Variants in CTNNBL1 observed in about 807,000 individuals in gnomAD.
The protein encoded by CTNNBL1 is catenin beta like 1.
In CTNNBL1, 31 loss-of-function variants were observed where a neutral mutation model predicts 72.7. The ratio of observed to expected loss-of-function variants is 0.43; its 90% confidence interval spans 0.32 to 0.58. The LOEUF is 0.58. Ranked by LOEUF, CTNNBL1 falls within the 20% of genes least tolerant of loss-of-function variation. The pLI, the probability that CTNNBL1 is intolerant of heterozygous loss-of-function variation, is 0.08. For missense variants in CTNNBL1, 534 were observed against 725.1 expected (o/e 0.74, Z 3.03); for synonymous variants, 240 against 267.3 (o/e 0.90, Z 1.00).
intron 4 of CTNNBL1, chr20:37,751,415 G>T (rs2073318678): frequency 6.6e-6 from 1 of 152,096 alleles, no homozygotes; most frequent in African/African-American, 2.4e-5. Context: ...TTTTTGGTGT[G>T]GAATAATTTA....
At chr20:37,795,735 G>A (rs1302994040) in intron 10 of CTNNBL1, among the ~76,000 whole-genome samples, 2 of 152,038 alleles carry the variant, frequency 1.3e-5, no homozygotes, top group South Asian at 4.2e-4. Flanking sequence ...CGTATCAATT[G>A]TAGTTATAAT....
At chr20:37,702,788 A>G (rs1319916598) in intron 1 of CTNNBL1, among the ~76,000 whole-genome samples, 4 of 152,138 alleles carry the variant, frequency 2.6e-5, no homozygotes, top group African/African-American at 9.7e-5. Context: ...CTTTTTACTA[A>G]ACTGTAGACT....
At position 37,722,308 on chromosome 20, in the gene CTNNBL1, T is replaced by C. The variant is rs1351705086; in HGVS notation, c.31-10571T>C. Among the ~76,000 whole-genome samples, 7 of 151,994 alleles carry C rather than the reference T, an allele frequency of 4.6e-5. No homozygotes were observed. In the East Asian group the frequency reaches 1.4e-3, roughly 29 times the overall value. On this transcript the variant is annotated intron_variant, in intron 1 of 15. Transcript: ENST00000361383. ...GGCCAACATGGCAAAACCCCATCTC[T>C]ACTGAAAATACAAAAATTAGCCAGG...
At chr20:37,789,556 T>G (rs2073706438) in intron 10 of CTNNBL1, among the ~76,000 whole-genome samples, 1 of 152,170 alleles carries the variant, frequency 6.6e-6, no homozygotes, top group South Asian at 2.1e-4. Flanking sequence ...AGTCAGGAAA[T>G]GAGGATGGAA....
In CTNNBL1 at chr20:37,818,554, T is replaced by A. The variant is rs182812913; in HGVS notation, c.1213+15506T>A. ...GCTCAGTGAGCCAGACTACTGTCTTTGTCAAGACTTAATAGATGTAAACAG... is the reference window on the plus strand; with the variant it reads ...GCTCAGTGAGCCAGACTACTGTCTTAGTCAAGACTTAATAGATGTAAACAG... On this transcript the variant is annotated intron_variant, in intron 11 of 15. Transcript: ENST00000361383. Among the ~76,000 whole-genome samples the A allele has an allele frequency of 3.4e-3, 521 of 152,320 alleles. 1 individual carries two copies. The highest frequency in any genetic ancestry group is 6.4e-3 in the Non-Finnish European group (433 of 68,034).
At chr20:37,794,740 G>T (rs746528927) in intron 10 of CTNNBL1, among the ~76,000 whole-genome samples, 1 of 151,818 alleles carries the variant, frequency 6.6e-6, no homozygotes, top group Non-Finnish European at 1.5e-5. Context: ...GGCCTCAAGT[G>T]ATCTTCCTGC....
chr20:37,731,760 T>A (rs1037437146), intron 1 of CTNNBL1, among the ~76,000 whole-genome samples: 11 of 152,206 alleles, frequency 7.2e-5, no homozygotes, highest in African/African-American at 2.7e-4. Flanking sequence ...TTCCCCACTT[T>A]TTAGGGCTGA....
chr20:37,727,299 C>T (rs2073093057), intron 1 of CTNNBL1: 3 of 979,288 alleles, frequency 3.1e-6, no homozygotes, highest in Non-Finnish European at 3.6e-6. Flanking sequence ...TTTCTGTTTT[C>T]AGGGGCATGG....
chr20:37,831,018 G>A (rs1288015018), intron 11 of CTNNBL1, among the ~76,000 whole-genome samples: 1 of 152,148 alleles, frequency 6.6e-6, no homozygotes, highest in African/African-American at 2.4e-5. Flanking sequence ...CCAAGAATGT[G>A]GCCCAGTTCT....
At chr20:37,854,762 A>C (rs772302359) in intron 13 of CTNNBL1, among the ~76,000 whole-genome samples, 4 of 151,518 alleles carry the variant, frequency 2.6e-5, no homozygotes, top group Non-Finnish European at 4.4e-5. Flanking sequence ...TTAATTTTTG[A>C]ATTTTTAGTA....
chr20:37,806,199 C>T (rs1168457662), intron 11 of CTNNBL1, among the ~76,000 whole-genome samples: 3 of 152,190 alleles, frequency 2.0e-5, no homozygotes, highest in African/African-American at 7.2e-5. Context: ...CACTGACCTT[C>T]CCTATAGGCA....
intron 1 of CTNNBL1, among the ~76,000 whole-genome samples, chr20:37,696,247 T>G (rs1333535211): frequency 6.6e-6 from 1 of 152,130 alleles, no homozygotes; most frequent in East Asian, 1.9e-4. Flanking sequence ...ATGCATTCAG[T>G]TTGTGGTAAG....
At chr20:37,793,245 C>G (rs891741107) in intron 10 of CTNNBL1, among the ~76,000 whole-genome samples, 1 of 152,108 alleles carries the variant, frequency 6.6e-6, no homozygotes, top group Non-Finnish European at 1.5e-5. Flanking sequence ...GACTGTAATT[C>G]GGGATATGTC....
At chr20:37,780,622 A>G (rs139189145) in intron 10 of CTNNBL1, among the ~76,000 whole-genome samples, 230 of 152,258 alleles carry the variant, frequency 1.5e-3, no homozygotes, top group African/African-American at 5.3e-3. Flanking sequence ...TAGCTTACTT[A>G]GTATTCTTCT....
chr20:37,788,592 A>G (rs889403763), intron 10 of CTNNBL1, among the ~76,000 whole-genome samples: 2 of 152,268 alleles, frequency 1.3e-5, no homozygotes, highest in Non-Finnish European at 2.9e-5. Context: ...AGTCCACTCG[A>G]GTCCTGGGCT....
chr20:37,805,110 A>C (rs1055861864), intron 11 of CTNNBL1, among the ~76,000 whole-genome samples: 3 of 152,268 alleles, frequency 2.0e-5, no homozygotes, highest in Admixed American at 1.3e-4. Flanking sequence ...GAATGGAGGC[A>C]GAGCAGAGCA....
At chr20:37,754,313 G>A (rs1265411773) in intron 4 of CTNNBL1, among the ~76,000 whole-genome samples, 9 of 141,100 alleles carry the variant, frequency 6.4e-5, no homozygotes, top group Non-Finnish European at 1.4e-4. Flanking sequence ...GAGAGACTGG[G>A]TCTCACTATG....
At position 37,803,044 on chromosome 20, in the gene CTNNBL1, T is replaced by G. The variant is rs746105518; in HGVS notation, c.1209T>G (p.His403Gln). ...AAGTGGGAACCACTGAGAAGGAACA[T>G]GAAGGTAGGGTTCACTGGAGGAGTC... ...IKKVGTTEKEHEEHVCSILAS... is the reference protein window; with the variant it reads ...IKKVGTTEKEQEEHVCSILAS... Residue 403 changes from histidine to glutamine, a missense_variant, in exon 11 of 16, where the codon CAT becomes CAG. Coordinates refer to ENST00000361383, the MANE Select transcript of CTNNBL1 (RefSeq NM_030877.5). The G allele has an allele frequency of 6.2e-7, 1 of 1,613,554 alleles. No homozygotes were observed. Among genetic ancestry groups the G allele is most frequent in the Non-Finnish European group, 8.5e-7 (1 of 1,179,640 alleles).
At chr20:37,732,486 G>A (rs76821781) in intron 1 of CTNNBL1, among the ~76,000 whole-genome samples, 1,981 of 152,176 alleles carry the variant, frequency 0.013, 47 homozygotes, top group African/African-American at 0.046. Context: ...TGCTATTTCC[G>A]TATACATAGG....
Sources: allele counts gnomAD v4.1 joint callset (sites outside exome capture counted in the v4.1 genomes callset), GRCh38; gene constraint gnomAD v4.1.1; transcripts MANE v1.5; gene names NCBI Gene and HGNC (gene_info 2026-07-23, HGNC 2026-07-21).